Variants in ZFAND3 observed in about 807,000 individuals in gnomAD.
ZFAND3 encodes the protein zinc finger AN1-type containing 3, also known as AN1-type zinc finger protein 3.
ZFAND3 carries 10 observed loss-of-function variants against 29.6 expected under a neutral mutation model. That is an observed-to-expected ratio of 0.34 (90% confidence interval 0.21 to 0.57). The LOEUF (loss-of-function observed/expected upper bound fraction) is 0.57, where lower values mean the gene tolerates loss of function less well. ZFAND3 is among the 20% of genes least tolerant of loss of function. The pLI is 0.86. For synonymous variants in ZFAND3, 128 were observed against 112.6 expected, an observed-to-expected ratio of 1.14 and a Z score of -0.87; for missense variants, 230 against 304.5, an observed-to-expected ratio of 0.76 and a Z score of 1.82.
intron 3 of ZFAND3, 125 bp from the exon 4 acceptor site, chr6:38,082,267 A>G (rs1010838827): frequency 8.7e-5 from 70 of 806,460 alleles, no homozygotes; most frequent in Non-Finnish European, 1.3e-4. Flanking sequence ...CTTTCCTACT[A>G]CTTCTCCTCG....
intron 2 of ZFAND3, among the ~76,000 whole-genome samples, chr6:37,950,473 G>T (rs1761979327): frequency 6.6e-6 from 1 of 151,788 alleles, no homozygotes; most frequent in Admixed American, 6.6e-5. Context: ...TGCCCCCTAG[G>T]TTCAAGAGAT....
chr6:38,011,715 C>T (rs973256251), intron 2 of ZFAND3, among the ~76,000 whole-genome samples: 1 of 152,068 alleles, frequency 6.6e-6, no homozygotes, highest in African/African-American at 2.4e-5. Context: ...CAATCAGTAG[C>T]ACAATTAATT....
rs568604958 is a variant in ZFAND3 at position 37,914,153 on chromosome 6, C to T, written c.72-15806C>T. The stretch of plus-strand genomic sequence containing the variant: ...AAACAGCATTCATTTCCTTGAACAT[C>T]TCCATCAGAACTCTTGGGTGACCAG... On this transcript the variant is annotated intron_variant, in intron 1 of 5. Coordinates refer to ENST00000287218, the MANE Select transcript of ZFAND3 (RefSeq NM_021943.3). Among the ~76,000 whole-genome samples, 429 of 152,328 alleles carry T rather than the reference C, an allele frequency of 2.8e-3. 2 individuals are homozygous for T. Among genetic ancestry groups the T allele is most frequent in the African/African-American group, 9.8e-3 (407 of 41,570 alleles).
chr6:38,000,335 C>T lies in ZFAND3; in HGVS notation c.113-61258C>T, dbSNP rs1023379266. ...CCCTCCAAACAAATTTGTGAAAGAG[C>T]GAAAATTTCATAGATCCTGACTGTA... On this transcript the variant is annotated intron_variant, in intron 2 of 5. Transcript: ENST00000287218. Among the ~76,000 whole-genome samples the T allele has an allele frequency of 7.9e-5, 12 of 152,184 alleles. 1 individual carries two copies. Among genetic ancestry groups the T allele is most frequent in the Admixed American group, 3.3e-4 (5 of 15,272 alleles).
intron 1 of ZFAND3, among the ~76,000 whole-genome samples, chr6:37,859,621 C>T (rs1199773094): frequency 6.6e-6 from 1 of 152,132 alleles, no homozygotes; most frequent in Non-Finnish European, 1.5e-5. Context: ...TAGCAGCAGG[C>T]TGGAGACCTT....
rs1050156970 is a variant in ZFAND3, at chr6:37,841,572, C to T, written c.71+21556C>T. Among the ~76,000 whole-genome samples the T allele has an allele frequency of 3.9e-5, 6 of 152,318 alleles. No homozygotes were observed. The East Asian group carries it at 1.2e-3, about 29-fold the overall frequency. ...GAACTTGGCTCACTGCAAGCTCTGC[C>T]TCCCGGGTTCACGCCATTCCCCTGC... On this transcript the variant is annotated intron_variant, in intron 1 of 5. Coordinates refer to ENST00000287218, the MANE Select transcript of ZFAND3 (RefSeq NM_021943.3).
At chr6:38,008,101 T>G (rs2127442447) in intron 2 of ZFAND3, among the ~76,000 whole-genome samples, 1 of 152,352 alleles carries the variant, frequency 6.6e-6, no homozygotes, top group East Asian at 1.9e-4. Context: ...AGTACCTTTC[T>G]GAAAACAAGG....
In ZFAND3 at chr6:38,153,890, C is replaced by T; in HGVS notation, c.*1501C>T. ...CACATAGGCTACTGGAATAGTTTAA[C>T]CCAGCAACTTTCCTTTTTATAAAAC... is the stretch of plus-strand genomic sequence containing the variant. On this transcript the variant is annotated 3_prime_UTR_variant, in exon 6 of 6. Transcript: ENST00000287218. 1.0e-6 allele frequency: 1 copy of T among 985,476 alleles called. No individual in the cohort carries two copies. Among genetic ancestry groups the T allele is most frequent in the Non-Finnish European group, 1.2e-6 (1 of 829,942 alleles). The allele number at this position is 985,476 out of a possible 1,614,324, so 61.0% of individuals were successfully genotyped here. A position where few individuals can be genotyped will look rare whatever the true frequency, so the allele number is the denominator to read the frequency against.
chr6:37,905,590 A>G (rs898576718), intron 1 of ZFAND3, among the ~76,000 whole-genome samples: 1 of 152,154 alleles, frequency 6.6e-6, no homozygotes, highest in Non-Finnish European at 1.5e-5. Context: ...CTGGAAAGCT[A>G]TTGTCAGGAC....
At chr6:38,102,794 TC>T (rs1765119588) in intron 4 of ZFAND3, among the ~76,000 whole-genome samples, 1 of 152,132 alleles carries the variant, frequency 6.6e-6, no homozygotes, top group Admixed American at 6.6e-5. Flanking sequence ...TCTTGCTCTG[TC>T]CCCCAGGCTG....
At chr6:37,949,618 C>A (rs1450897651) in intron 2 of ZFAND3, among the ~76,000 whole-genome samples, 1 of 152,200 alleles carries the variant, frequency 6.6e-6, no homozygotes. Context: ...GAGATTCCCA[C>A]AACCCCCTCT....
chr6:37,993,763 A>G (rs931172251), intron 2 of ZFAND3, among the ~76,000 whole-genome samples: 8 of 152,154 alleles, frequency 5.3e-5, no homozygotes, highest in African/African-American at 1.9e-4. Flanking sequence ...GTTTTCTGAA[A>G]TATTTCATAG....
Position 38,153,403 on chromosome 6 carries a change from C to A in ZFAND3, c.*1014C>A. 1 of 985,488 alleles carries A rather than the reference C, an allele frequency of 1.0e-6. No homozygotes were observed. The highest frequency in any genetic ancestry group is 1.2e-6 in the Non-Finnish European group (1 of 829,950). 61.0% of individuals were successfully genotyped at this position (985,488 alleles called of 1,614,324 possible). A position where few individuals can be genotyped will look rare whatever the true frequency, so the allele number is the denominator to read the frequency against. On this transcript the variant is annotated 3_prime_UTR_variant, in exon 6 of 6. Coordinates refer to ENST00000287218, the MANE Select transcript of ZFAND3 (RefSeq NM_021943.3). ...CCTCCAGGGGCCAAGAGGATGATGT[C>A]GTGGCCTCCATTCTCGTTTCTATGC...
At chr6:37,998,162 T>G (rs1762883785) in intron 2 of ZFAND3, among the ~76,000 whole-genome samples, 1 of 152,208 alleles carries the variant, frequency 6.6e-6, no homozygotes, top group South Asian at 2.1e-4. Context: ...AAGACATGGA[T>G]GAATCTTAAA....
chr6:38,082,550 T>C lies in ZFAND3; in HGVS notation c.361+93T>C, dbSNP rs553995256. ...TAACTTGGTGTGCTTCTCAGGGTACTCTGATTTCTTCCGTCAGTTGTGAGG... is the reference window on the plus strand; with the variant it reads ...TAACTTGGTGTGCTTCTCAGGGTACCCTGATTTCTTCCGTCAGTTGTGAGG... On this transcript the variant is annotated intron_variant, in intron 4 of 5. Transcript: ENST00000287218. The C allele has an allele frequency of 5.1e-6, 6 of 1,180,528 alleles. No individual in the cohort carries two copies. In the South Asian group the frequency reaches 6.9e-5, roughly 14 times the overall value. 73.1% of individuals were successfully genotyped at this position (1,180,528 alleles called of 1,614,324 possible).
intron 5 of ZFAND3, among the ~76,000 whole-genome samples, chr6:38,137,663 A>T (rs1038067648): frequency 6.6e-6 from 1 of 152,172 alleles, no homozygotes; most frequent in Non-Finnish European, 1.5e-5. Context: ...ATAAAATGAC[A>T]GTGTGATAAG....
Position 38,154,296 on chromosome 6 carries a change from T to G in ZFAND3, c.*1907T>G. The G allele has an allele frequency of 1.0e-6, 1 of 979,904 alleles. No homozygotes were observed. The highest frequency in any genetic ancestry group is 1.2e-6 in the Non-Finnish European group (1 of 828,510). 60.7% of individuals were successfully genotyped at this position (979,904 alleles called of 1,614,324 possible). ...CCCGCCCCCTCCTCTGCCTGCTGCG[T>G]GGAGGCAGCCATGGGAAGGAGCCCA... On this transcript the variant is annotated 3_prime_UTR_variant, in exon 6 of 6. Transcript: ENST00000287218.
chr6:38,105,694 C>T (rs950903883), intron 4 of ZFAND3, among the ~76,000 whole-genome samples: 1 of 151,948 alleles, frequency 6.6e-6, no homozygotes. Context: ...TGAGATGTTA[C>T]CCTTGGGGAA....
chr6:38,134,149 C>T (rs1264283474), intron 5 of ZFAND3, among the ~76,000 whole-genome samples: 1 of 152,172 alleles, frequency 6.6e-6, no homozygotes, highest in African/African-American at 2.4e-5. Context: ...TTCTGGAAAA[C>T]CGGGTCCACA....
Sources: allele counts gnomAD v4.1 joint callset (sites outside exome capture counted in the v4.1 genomes callset), GRCh38; gene constraint gnomAD v4.1.1; transcripts MANE v1.5; gene names NCBI Gene and HGNC (gene_info 2026-07-23, HGNC 2026-07-21).